Variants in XRN2 observed in about 807,000 individuals in gnomAD.
XRN2 encodes the protein 5'-3' exoribonuclease 2, also known as DHM1-like protein.
In XRN2, 44 loss-of-function variants were observed where a neutral mutation model predicts 138.5. The observed-to-expected ratio is 0.32, with a 90% confidence interval of 0.25 to 0.41. The LOEUF is 0.41. XRN2 is among the 10% of genes least tolerant of loss of function. The pLI is 1.00. For synonymous variants in XRN2, 354 were observed against 369.4 expected, an observed-to-expected ratio of 0.96 and a Z score of 0.48; for missense variants, 937 against 1,169.3, an observed-to-expected ratio of 0.80 and a Z score of 2.90.
chr20:21,338,719 A>G (rs1190060949), intron 13 of XRN2, among the ~76,000 whole-genome samples: 1 of 152,126 alleles, frequency 6.6e-6, no homozygotes, highest in Admixed American at 6.6e-5. Context: ...ACTTACTTGT[A>G]TCTTCTCCAT....
At chr20:21,315,153 T>A (rs2037941370) in intron 1 of XRN2, among the ~76,000 whole-genome samples, 1 of 152,190 alleles carries the variant, frequency 6.6e-6, no homozygotes, top group Non-Finnish European at 1.5e-5. Flanking sequence ...TCACTCAAGA[T>A]GTTAAATTCC....
At chr20:21,349,582 A>G (rs2038481013) in intron 20 of XRN2, 121 bp downstream of exon 20, 6 of 846,918 alleles carry the variant, frequency 7.1e-6, no homozygotes, top group Non-Finnish European at 1.1e-5. Flanking sequence ...ATTTCTACAA[A>G]AAATACAAAA....
chr20:21,368,731 T>A, intron 27 of XRN2, 141 bp downstream of exon 27: 2 of 1,159,206 alleles, frequency 1.7e-6, no homozygotes, highest in Non-Finnish European at 2.4e-6. Flanking sequence ...AGAAGAGTTG[T>A]GAGAGAATAC....
intron 1 of XRN2, among the ~76,000 whole-genome samples, chr20:21,321,301 C>CTGTGTGTGTGTGTG (rs61188840): frequency 4.1e-5 from 5 of 121,514 alleles, no homozygotes; most frequent in Non-Finnish European, 3.4e-5. Flanking sequence ...CTGTGCCTGG[C>CTGTGTGTGTGTGTG]TGTGTGTGTG....
Position 21,357,738 on chromosome 20 carries a change from T to C in XRN2, c.2201T>C (p.Ile734Thr), listed in dbSNP as rs771740139. The change falls in exon 24 of 30, where the codon ATA (isoleucine) becomes ACA (threonine). Residue 734 changes from isoleucine to threonine, a missense_variant and splice_region_variant. Ile to Thr is a moderately conservative substitution (Grantham distance 89). Around this residue, in one of 6 missense-constraint regions of XRN2, gnomAD observed 372 missense variants for 414.4 expected, o/e 0.90. Coordinates refer to ENST00000377191, the MANE Select transcript of XRN2 (RefSeq NM_012255.5). ...TTTCTTCTCTTGTTTCCTTCTAGAA[T>C]AGTATGTTCTCCTGTTCCTATGTTA... ...LDEEAILPDQ[I>T]VCSPVPMLRD... 1 of 1,592,940 alleles carries C rather than the reference T, an allele frequency of 6.3e-7. No individual in the cohort carries two copies.
chr20:21,373,264 T>G (rs1215988430), intron 27 of XRN2, among the ~76,000 whole-genome samples: 2 of 152,210 alleles, frequency 1.3e-5, no homozygotes, highest in Non-Finnish European at 2.9e-5. Flanking sequence ...CGCCTCGTTC[T>G]CACAAAGCGC....
Position 21,365,570 on chromosome 20 carries a change from C to T in XRN2, c.2325-3C>T. 6.2e-7 allele frequency: 1 copy of T among 1,613,104 alleles called. No homozygotes were observed. On this transcript the variant is annotated splice_polypyrimidine_tract_variant and splice_region_variant and intron_variant, in intron 25 of 29. Coordinates refer to ENST00000377191, the MANE Select transcript of XRN2 (RefSeq NM_012255.5). ...ACTAAGTGTTGTCTTTTTAAATGGTCAGAAAGCCAGCAGCAGTACTGAAAC... is the reference window on the plus strand; with the variant it reads ...ACTAAGTGTTGTCTTTTTAAATGGTTAGAAAGCCAGCAGCAGTACTGAAAC...
intron 13 of XRN2, among the ~76,000 whole-genome samples, chr20:21,337,820 G>A (rs1026625889): frequency 1.3e-5 from 2 of 152,196 alleles, no homozygotes; most frequent in African/African-American, 4.8e-5. Context: ...AAGGAGATCA[G>A]GTGAGTGTAG....
rs148486536 is a variant in XRN2 at position 21,341,264 on chromosome 20, G to A, written c.1410+412G>A. ...CATATGTCTCAAAGCTGAGGCAAGA[G>A]GAGGAGGATGGGTTTTATTCCCTTA... is the stretch of plus-strand genomic sequence containing the variant. On this transcript the variant is annotated intron_variant, in intron 15 of 29. Coordinates refer to ENST00000377191, the MANE Select transcript of XRN2 (RefSeq NM_012255.5). 8.5e-4 allele frequency among the ~76,000 whole-genome samples: 130 copies of A among 152,348 alleles called. No individual in the cohort carries two copies. In the East Asian group the frequency reaches 0.022, roughly 26 times the overall value.
At position 21,349,458 on chromosome 20, in the gene XRN2, C is replaced by T; in HGVS notation, c.1933C>T (p.Gln645Ter). 2 of 1,602,470 alleles carry T rather than the reference C, an allele frequency of 1.2e-6. No individual in the cohort carries two copies. Among genetic ancestry groups the T allele is most frequent in the South Asian group, 1.1e-5 (1 of 90,286 alleles). ...IDLNGKKYAWQGVALLPFVDE... is the reference protein window; with the variant it reads ...IDLNGKKYAW ...TTTGAATGGGAAGAAATATGCATGGCAAGGTAAAATTTAGACGTTCTTTTC... is the reference window on the plus strand; with the variant it reads ...TTTGAATGGGAAGAAATATGCATGGTAAGGTAAAATTTAGACGTTCTTTTC... Residue 645 changes from glutamine to a stop codon, truncating the protein, a stop_gained, in exon 20 of 30, where the codon CAA becomes TAA. Coordinates refer to ENST00000377191, the MANE Select transcript of XRN2 (RefSeq NM_012255.5). LOFTEE classifies it high-confidence loss of function.
At chr20:21,339,988 G>A (rs1263795853) in intron 14 of XRN2, among the ~76,000 whole-genome samples, 2 of 152,054 alleles carry the variant, frequency 1.3e-5, no homozygotes, top group African/African-American at 4.8e-5. Context: ...ATTGGGAGGG[G>A]CATATTTGGT....
intron 27 of XRN2, among the ~76,000 whole-genome samples, chr20:21,380,100 A>T (rs1056416275): frequency 2.0e-5 from 3 of 152,190 alleles, no homozygotes; most frequent in Non-Finnish European, 4.4e-5. Flanking sequence ...ATATGGAATT[A>T]AGTCCTAATG....
At chr20:21,372,069 CTTTA>C (rs1248595257) in intron 27 of XRN2, among the ~76,000 whole-genome samples, 2 of 152,244 alleles carry the variant, frequency 1.3e-5, no homozygotes, top group East Asian at 3.9e-4. Flanking sequence ...GTTAGAATAT[CTTTA>C]TTTCAGTTAC....
intron 4 of XRN2, among the ~76,000 whole-genome samples, chr20:21,329,501 G>C (rs2122207869): frequency 6.6e-6 from 1 of 152,214 alleles, no homozygotes; most frequent in East Asian, 1.9e-4. Flanking sequence ...CCATAGTATA[G>C]CCAGCTCAGG....
rs933065395 is a variant in XRN2 at position 21,380,923 on chromosome 20, G to A, written c.2585-1071G>A. Reference sequence around the variant, plus strand: ...ATGTCGAGATGGGAAGGAAGCCAGGGCTGAGGCTGCCAGTTATGAGCTAGA... The same window carrying A: ...ATGTCGAGATGGGAAGGAAGCCAGGACTGAGGCTGCCAGTTATGAGCTAGA... On this transcript the variant is annotated intron_variant, in intron 27 of 29. Coordinates refer to ENST00000377191, the MANE Select transcript of XRN2 (RefSeq NM_012255.5). Among the ~76,000 whole-genome samples the A allele has an allele frequency of 2.0e-5, 3 of 152,236 alleles. No homozygotes were observed. The East Asian group carries it at 5.8e-4, about 29-fold the overall frequency.
At chr20:21,373,547 A>G (rs1406034470) in intron 27 of XRN2, among the ~76,000 whole-genome samples, 1 of 152,192 alleles carries the variant, frequency 6.6e-6, no homozygotes, top group East Asian at 1.9e-4. Context: ...AAAGTGCCAG[A>G]CACATTTTCC....
chr20:21,303,831 T>C (rs1444848574), intron 1 of XRN2: 8 of 1,042,908 alleles, frequency 7.7e-6, no homozygotes, highest in Non-Finnish European at 9.2e-6. Flanking sequence ...AGGCTGTTGT[T>C]GAGCAATGCA....
intron 29 of XRN2, among the ~76,000 whole-genome samples, chr20:21,387,628 G>A (rs562366153): frequency 6.6e-6 from 1 of 152,242 alleles, no homozygotes; most frequent in South Asian, 2.1e-4. Flanking sequence ...TTAAGACTGA[G>A]GTCTATTTGA....
intron 1 of XRN2, among the ~76,000 whole-genome samples, chr20:21,319,975 T>C (rs1370400788): frequency 1.3e-5 from 2 of 152,220 alleles, no homozygotes; most frequent in African/African-American, 4.8e-5. Context: ...ATACTTGTGC[T>C]TATTGTTTGC....
Sources: allele counts gnomAD v4.1 joint callset (sites outside exome capture counted in the v4.1 genomes callset), GRCh38; gene constraint gnomAD v4.1.1; regional missense constraint gnomAD v4.1.1; transcripts MANE v1.5; gene names NCBI Gene and HGNC (gene_info 2026-07-23, HGNC 2026-07-21).